PINX1: variants seen among roughly 807,000 people sequenced by gnomAD.
PINX1 encodes PIN2 (TERF1) interacting telomerase inhibitor 1.
PINX1 carries 34 observed loss-of-function variants against 25.4 expected under a neutral mutation model. That is an observed-to-expected ratio of 1.34 (90% CI 1.02 to 1.78). The LOEUF (loss-of-function observed/expected upper bound fraction) is 1.78. Ranked by LOEUF, PINX1 falls within the 40% of genes most tolerant of loss-of-function variation. PINX1 has a pLI of 0.00. For missense variants in PINX1, 592 were observed against 404.9 expected (o/e 1.46, Z -3.97); for synonymous variants, 197 against 147.7 (o/e 1.33, Z -2.42).
At chr8:10,800,545 C>T (rs1406359111) in intron 6 of PINX1, among the ~76,000 whole-genome samples, 1 of 151,558 alleles carries the variant, frequency 6.6e-6, no homozygotes, top group Non-Finnish European at 1.5e-5. Flanking sequence ...TCTCAGCTCA[C>T]TGCAGCCTCC....
rs776421222 is a variant in PINX1 at position 10,820,231 on chromosome 8, A to T, written c.433T>A (p.Cys145Ser). The change falls in exon 6 of 7, where the codon TGC (cysteine) becomes AGC (serine). Residue 145 changes from cysteine (C) to serine (S), a missense_variant. Transcript: ENST00000314787. ...TTACTCTGTCTTTTCCCAAAAATGC[A>T]GTCAAGATCTGTTTTGCTCCGAGAT... ...LSSRSKTDLD[C>S]IFGKRQSKKT... The T allele has an allele frequency of 3.3e-5, 53 of 1,612,954 alleles. No individual in the cohort carries two copies. Among genetic ancestry groups the T allele is most frequent in the South Asian group, 1.2e-4 (11 of 91,010 alleles).
At chr8:10,839,588 C>G in intron 1 of PINX1, 150 bp downstream of exon 1, 1 of 755,722 alleles carries the variant, frequency 1.3e-6, no homozygotes. Context: ...GCGAGCAGGA[C>G]AATCAGAGCC....
At chr8:10,780,965 ATAG>A (rs1345750052) in intron 6 of PINX1, among the ~76,000 whole-genome samples, 1 of 152,222 alleles carries the variant, frequency 6.6e-6, no homozygotes, top group Non-Finnish European at 1.5e-5. Context: ...ATTACAAGCT[ATAG>A]TAATTAAAAC....
At chr8:10,773,540 A>C (rs960100018) in intron 6 of PINX1, among the ~76,000 whole-genome samples, 3 of 152,234 alleles carry the variant, frequency 2.0e-5, no homozygotes, top group Non-Finnish European at 4.4e-5. Flanking sequence ...GGAGAAGATA[A>C]TACGAACTAG....
chr8:10,790,734 G>A (rs1218947860), intron 6 of PINX1, among the ~76,000 whole-genome samples: 1 of 152,078 alleles, frequency 6.6e-6, no homozygotes, highest in East Asian at 1.9e-4. Context: ...GCCCCTCCTT[G>A]CCCTCTTCAT....
intron 6 of PINX1, among the ~76,000 whole-genome samples, chr8:10,786,894 C>A (rs1283765045): frequency 6.6e-6 from 1 of 152,146 alleles, no homozygotes; most frequent in Non-Finnish European, 1.5e-5. Flanking sequence ...CACTGTGGAC[C>A]CCTAATGGGG....
Position 10,765,228 on chromosome 8 carries a change from G to A in PINX1, c.*173C>T. 1 of 585,510 alleles carries A rather than the reference G, an allele frequency of 1.7e-6. No individual in the cohort carries two copies. The allele number at this position is 585,510 out of a possible 1,614,324, so 36.3% of individuals were successfully genotyped here. On this transcript the variant is annotated 3_prime_UTR_variant, in exon 7 of 7. Transcript: ENST00000314787. Reference sequence around the variant, plus strand: ...GAGAACATTAAAAAGGTCCTCCTGGGAATGTAACTTGGGGGAAATGTGGCG... The same window carrying A: ...GAGAACATTAAAAAGGTCCTCCTGGAAATGTAACTTGGGGGAAATGTGGCG...
intron 6 of PINX1, among the ~76,000 whole-genome samples, chr8:10,794,070 G>T (rs1159378373): frequency 6.6e-6 from 1 of 152,148 alleles, no homozygotes; most frequent in Non-Finnish European, 1.5e-5. Flanking sequence ...TTAAAAAATG[G>T]ACTTGCTAGT....
At chr8:10,839,217 A>C (rs1387527446) in intron 1 of PINX1, among the ~76,000 whole-genome samples, 1 of 152,208 alleles carries the variant, frequency 6.6e-6, no homozygotes, top group Non-Finnish European at 1.5e-5. Context: ...CGCCAGTCTC[A>C]CTTAGAATTA....
intron 5 of PINX1, among the ~76,000 whole-genome samples, chr8:10,824,908 G>A (rs1031074642): frequency 2.0e-5 from 3 of 152,214 alleles, no homozygotes; most frequent in African/African-American, 7.2e-5. Context: ...CTCTTCAAAA[G>A]GACTGAGGGC....
At chr8:10,791,761 A>C (rs1456373685) in intron 6 of PINX1, among the ~76,000 whole-genome samples, 8 of 152,168 alleles carry the variant, frequency 5.3e-5, no homozygotes, top group Non-Finnish European at 1.0e-4. Flanking sequence ...AAACCCTGGA[A>C]GAGACGCCAG....
chr8:10,827,562 A>G (rs1798091338), intron 4 of PINX1, among the ~76,000 whole-genome samples: 1 of 152,016 alleles, frequency 6.6e-6, no homozygotes, highest in South Asian at 2.1e-4. Flanking sequence ...CAGAAGAGAG[A>G]CTAAATTTTC....
Position 10,820,383 on chromosome 8 carries a change from A to G in PINX1, c.395-114T>C, listed in dbSNP as rs968545940. ...ATGGCTTTTGGGAAAGAAAGAAACA[A>G]TTTTGAAACTACTGACTTTCTACCC... On this transcript the variant is annotated intron_variant, in intron 5 of 6. Coordinates refer to ENST00000314787, the MANE Select transcript of PINX1 (RefSeq NM_017884.6). The G allele has an allele frequency of 8.2e-6, 6 of 731,470 alleles. No individual in the cohort carries two copies. In the African/African-American group the frequency reaches 8.7e-5, roughly 11 times the overall value. The allele number at this position is 731,470 out of a possible 1,614,324, so 45.3% of individuals were successfully genotyped here.
At chr8:10,826,530 CA>C (rs1290188652) in intron 4 of PINX1, among the ~76,000 whole-genome samples, 6 of 152,186 alleles carry the variant, frequency 3.9e-5, no homozygotes, top group African/African-American at 1.4e-4. Context: ...TGTGTTCACA[CA>C]AAACCTAGAC....
Position 10,769,452 on chromosome 8 carries a change from T to A in PINX1, c.472-3536A>T, listed in dbSNP as rs2129070659. Among the ~76,000 whole-genome samples, 3 of 152,298 alleles carry A rather than the reference T, an allele frequency of 2.0e-5. 1 individual carries two copies. The Middle Eastern group carries it at 0.01, about 518-fold the overall frequency. ...ACCCAATCAATAAGTACTTGTGGCT[T>A]TGAACTGAGATGACTCTGGAGCACC... is the stretch of plus-strand genomic sequence containing the variant. On this transcript the variant is annotated intron_variant, in intron 6 of 6. Coordinates refer to ENST00000314787, the MANE Select transcript of PINX1 (RefSeq NM_017884.6).
chr8:10,781,444 T>C (rs140098844), intron 6 of PINX1, among the ~76,000 whole-genome samples: 227 of 152,340 alleles, frequency 1.5e-3, no homozygotes, highest in Non-Finnish European at 2.0e-3. Flanking sequence ...TTGTAGACCA[T>C]GTATCTGATA....
intron 6 of PINX1, among the ~76,000 whole-genome samples, chr8:10,774,603 A>G (rs1801330912): frequency 6.6e-6 from 1 of 152,250 alleles, no homozygotes; most frequent in Non-Finnish European, 1.5e-5. Context: ...TTTAGAGAAT[A>G]AAATATTCAT....
At chr8:10,828,022 A>G (rs1312598265) in intron 4 of PINX1, among the ~76,000 whole-genome samples, 1 of 152,046 alleles carries the variant, frequency 6.6e-6, no homozygotes, top group Non-Finnish European at 1.5e-5. Context: ...GCACGTGTCC[A>G]TTCAACAACA....
intron 6 of PINX1, among the ~76,000 whole-genome samples, chr8:10,777,892 G>C (rs897272959): frequency 6.6e-6 from 1 of 152,130 alleles, no homozygotes; most frequent in East Asian, 1.9e-4. Context: ...TTGCAGAGCG[G>C]GTGCCTTCCA....
Sources: allele counts gnomAD v4.1 joint callset (sites outside exome capture counted in the v4.1 genomes callset), GRCh38; gene constraint gnomAD v4.1.1; transcripts MANE v1.5; gene names NCBI Gene and HGNC (gene_info 2026-07-23, HGNC 2026-07-21).